KIT: variants seen among roughly 807,000 people sequenced by gnomAD.
KIT encodes mast/stem cell growth factor receptor Kit.
In KIT, 16 loss-of-function variants were observed where a neutral mutation model predicts 105.7. The ratio of observed to expected loss-of-function variants is 0.15; its 90% CI spans 0.10 to 0.23. KIT has a LOEUF of 0.23. KIT is among the 10% of genes least tolerant of loss of function. The probability of loss-of-function intolerance (pLI) is 1.00; values close to 1 mark genes in which losing one functional copy is unlikely to be tolerated. For synonymous variants in KIT, 438 were observed against 441.1 expected (o/e 0.99, Z 0.09); for missense variants, 858 against 1,213.8 (o/e 0.71, Z 4.36).
rs991084722 is a variant in KIT at position 54,740,437 on chromosome 4, A to C, written c.*1880A>C. On this transcript the variant is annotated 3_prime_UTR_variant, in exon 21 of 21. Coordinates refer to ENST00000288135, the MANE Select transcript of KIT (RefSeq NM_000222.3). ...ATTCTTGAAAGTTTATATTTTTATA[A>C]TTTTTTCTTACATCAGATGTTTCTT... 1.3e-5 allele frequency: 3 copies of C among 233,102 alleles called. No individual in the cohort carries two copies. Among genetic ancestry groups the C allele is most frequent in the African/African-American group, 2.2e-5 (1 of 45,250 alleles). 14.4% of individuals were successfully genotyped at this position (233,102 alleles called of 1,614,324 possible). A position where few individuals can be genotyped will look rare whatever the true frequency, so the allele number is the denominator to read the frequency against.
intron 1 of KIT, among the ~76,000 whole-genome samples, chr4:54,661,004 G>A (rs1161179490): frequency 6.6e-6 from 1 of 152,146 alleles, no homozygotes; most frequent in African/African-American, 2.4e-5. Flanking sequence ...ATTTTAGCTT[G>A]GAGGAAGGGC....
At chr4:54,736,153 GGA>G (rs1295246959) in intron 17 of KIT, among the ~76,000 whole-genome samples, 1 of 152,154 alleles carries the variant, frequency 6.6e-6, no homozygotes, top group Non-Finnish European at 1.5e-5. Flanking sequence ...TTTTAAGGAA[GGA>G]GAGGGACATA....
At chr4:54,736,143 T>G (rs1370596746) in intron 17 of KIT, among the ~76,000 whole-genome samples, 1 of 152,140 alleles carries the variant, frequency 6.6e-6, no homozygotes, top group African/African-American at 2.4e-5. Context: ...GTGTTTCTGT[T>G]TTTAAGGAAG....
At chr4:54,721,303 CAG>C (rs1248688741) in intron 7 of KIT, among the ~76,000 whole-genome samples, 2 of 152,124 alleles carry the variant, frequency 1.3e-5, no homozygotes, top group African/African-American at 2.4e-5. Flanking sequence ...AAACTGAGTC[CAG>C]AGAGACCCAC....
chr4:54,722,115 A>G (rs1337256091), intron 7 of KIT, among the ~76,000 whole-genome samples: 1 of 152,076 alleles, frequency 6.6e-6, no homozygotes, highest in Non-Finnish European at 1.5e-5. Flanking sequence ...CCTACCGAGT[A>G]GCTGGGACTA....
At chr4:54,696,018 C>T (rs1254316420) in intron 2 of KIT, 2 of 572,304 alleles carry the variant, frequency 3.5e-6, no homozygotes, top group Non-Finnish European at 6.2e-6. Context: ...AATGAGATTA[C>T]AGTAGGTTTA....
At chr4:54,718,297 C>G (rs1031727458) in intron 7 of KIT, among the ~76,000 whole-genome samples, 2 of 152,186 alleles carry the variant, frequency 1.3e-5, no homozygotes, top group African/African-American at 2.4e-5. Flanking sequence ...GATGGGATTT[C>G]ACCATGTTGG....
At chr4:54,730,767 G>A (rs1241528870) in intron 14 of KIT, among the ~76,000 whole-genome samples, 1 of 152,114 alleles carries the variant, frequency 6.6e-6, no homozygotes, top group Admixed American at 6.6e-5. Flanking sequence ...ATCAGAAGCA[G>A]GAAGTACTAG....
chr4:54,660,187 T>A (rs1344868604), intron 1 of KIT, among the ~76,000 whole-genome samples: 1 of 152,186 alleles, frequency 6.6e-6, no homozygotes, highest in Non-Finnish European at 1.5e-5. Context: ...AGAGTATGGG[T>A]GCATCTGACC....
intron 9 of KIT, among the ~76,000 whole-genome samples, chr4:54,726,616 C>G (rs1234530424): frequency 6.6e-6 from 1 of 152,098 alleles, no homozygotes; most frequent in Non-Finnish European, 1.5e-5. Context: ...TGGGCACTTA[C>G]TTTTTAGGCC....
chr4:54,735,872 G>A (rs1722897598), intron 17 of KIT, among the ~76,000 whole-genome samples: 2 of 152,170 alleles, frequency 1.3e-5, no homozygotes. Flanking sequence ...TCCTTTCCAT[G>A]CTTAGCCATT....
In KIT at chr4:54,738,783, A is replaced by G. The variant is rs998234331; in HGVS notation, c.*226A>G. Reference sequence around the variant, plus strand: ...TATTCCCAATAGCAACGTAGCTTCTACCATGAACAGAAAACATTCTGATTT... The same window carrying G: ...TATTCCCAATAGCAACGTAGCTTCTGCCATGAACAGAAAACATTCTGATTT... On this transcript the variant is annotated 3_prime_UTR_variant, in exon 21 of 21. Coordinates refer to ENST00000288135, the MANE Select transcript of KIT (RefSeq NM_000222.3). The G allele has an allele frequency of 3.2e-6, 2 of 618,466 alleles. No individual in the cohort carries two copies. Among genetic ancestry groups the G allele is most frequent in the Non-Finnish European group, 5.8e-6 (2 of 347,616 alleles). The allele number at this position is 618,466 out of a possible 1,614,324, so 38.3% of individuals were successfully genotyped here. A position where few individuals can be genotyped will look rare whatever the true frequency, so the allele number is the denominator to read the frequency against.
intron 1 of KIT, among the ~76,000 whole-genome samples, chr4:54,669,982 C>T: frequency 6.6e-6 from 1 of 152,110 alleles, no homozygotes; most frequent in East Asian, 1.9e-4. Context: ...GTGCTGCCCT[C>T]CAGAGGGCTG....
At chr4:54,727,582 G>A (rs1172919740) in intron 11 of KIT, 40 bp downstream of exon 11, 1 of 1,613,288 alleles carries the variant, frequency 6.2e-7, no homozygotes, top group Non-Finnish European at 8.5e-7. Flanking sequence ...ACCTTTTTGG[G>A]TACACATAAC....
At chr4:54,731,011 C>T (rs1348335187) in intron 14 of KIT, among the ~76,000 whole-genome samples, 1 of 152,140 alleles carries the variant, frequency 6.6e-6, no homozygotes, top group Non-Finnish European at 1.5e-5. Context: ...TGAGGTAATA[C>T]GGGATACCAT....
intron 1 of KIT, among the ~76,000 whole-genome samples, chr4:54,658,962 TG>T (rs1271623231): frequency 6.6e-6 from 1 of 152,206 alleles, no homozygotes; most frequent in East Asian, 1.9e-4. Context: ...GACAGCGTGC[TG>T]GGACTCTGCG....
rs1060504654 is a variant in KIT, at chr4:54,736,548, A to G, written c.2535A>G (p.Val845=). 8.7e-6 allele frequency: 14 copies of G among 1,614,154 alleles called. No individual in the cohort carries two copies. The highest frequency in any genetic ancestry group is 1.6e-4 in the Middle Eastern group (1 of 6,062). ...CACCTGAAAGCATTTTCAACTGTGT[A>G]TACACGTTTGAAAGTGACGTCTGGT... ...WMAPESIFNC[V]YTFESDVWSY... The change falls in exon 18 of 21, where the codon GTA becomes GTG. Residue 845 remains valine, a synonymous_variant. Transcript: ENST00000288135.
intron 9 of KIT, among the ~76,000 whole-genome samples, chr4:54,726,797 G>A (rs1379642916): frequency 6.7e-6 from 1 of 149,290 alleles, no homozygotes; most frequent in Non-Finnish European, 1.5e-5. Flanking sequence ...TTTTTTTTTG[G>A]TTGTGAAAGA....
chr4:54,723,040 GTAAA>G (rs1721993414), intron 7 of KIT, among the ~76,000 whole-genome samples: 1 of 151,842 alleles, frequency 6.6e-6, no homozygotes, highest in African/African-American at 2.4e-5. Context: ...TAGCTTCCCT[GTAAA>G]TAGAGTGATT....
Sources: gnomAD v4.1 joint callset for allele counts (sites outside exome capture counted in the v4.1 genomes callset) on GRCh38, gnomAD v4.1.1 for gene constraint, MANE v1.5 for transcripts, NCBI Gene and HGNC (gene_info 2026-07-23, HGNC 2026-07-21) for gene names.